Variants in MINK1 observed in about 807,000 individuals in gnomAD.
The protein encoded by MINK1 is misshapen like kinase 1.
A neutral mutation model predicts 178.4 loss-of-function variants in MINK1; 46 were observed. The observed-to-expected ratio is 0.26, with a 90% CI of 0.20 to 0.33. MINK1 has a LOEUF of 0.33. Among genes scored for constraint, MINK1 ranks in the 10% least tolerant of loss-of-function variants. The pLI is 1.00. For synonymous variants in MINK1, 797 were observed against 709.7 expected (o/e 1.12, Z -1.96); for missense variants, 1,366 against 1,814.9 (o/e 0.75, Z 4.49).
chr17:4,839,298 T>C (rs182615104), intron 1 of MINK1, among the ~76,000 whole-genome samples: 18 of 152,282 alleles, frequency 1.2e-4, no homozygotes. Flanking sequence ...ACCTTCAAGG[T>C]TGGGACATTT....
chr17:4,872,207 G>A (rs1304862916), intron 1 of MINK1, among the ~76,000 whole-genome samples: 2 of 151,988 alleles, frequency 1.3e-5, no homozygotes, highest in East Asian at 1.9e-4. Flanking sequence ...GCAGGCAGCT[G>A]TAATCCCAGC....
rs1381393201 is a variant in MINK1, at chr17:4,833,678, TC to T, written c.57+42del. The T allele has an allele frequency of 1.4e-6, 2 of 1,456,128 alleles. No homozygotes were observed. Among genetic ancestry groups the T allele is most frequent in the Admixed American group, 2.4e-5 (1 of 42,400 alleles). 90.2% of individuals were successfully genotyped at this position (1,456,128 alleles called of 1,614,324 possible). On this transcript the variant is annotated intron_variant, in intron 1 of 31. Coordinates refer to ENST00000355280, the MANE Select transcript of MINK1 (RefSeq NM_153827.5). This position sits in a 1 kb window ranked among gnomAD's most constrained non-coding sequence, Gnocchi z 4.8. ...TCCCCCAGCCTCGCCCTGGTTCCTG[TC>T]CCCGCCGCAGGGGAGGGAGCGGGGT...
intron 16 of MINK1, 76 bp downstream of exon 16, chr17:4,891,792 C>T (rs915541658): frequency 4.0e-6 from 6 of 1,488,514 alleles, no homozygotes; most frequent in South Asian, 2.7e-5. Flanking sequence ...AAGGGGCAGG[C>T]CACATGGAGG....
At chr17:4,858,637 C>T (rs778322313) in intron 1 of MINK1, among the ~76,000 whole-genome samples, 8 of 151,948 alleles carry the variant, frequency 5.3e-5, no homozygotes, top group Non-Finnish European at 1.0e-4. Context: ...CTACCATGCC[C>T]AGCTAATTTT....
chr17:4,845,165 G>A (rs774574089), intron 1 of MINK1, among the ~76,000 whole-genome samples: 1 of 152,102 alleles, frequency 6.6e-6, no homozygotes, highest in Non-Finnish European at 1.5e-5. Flanking sequence ...TGTATCATCA[G>A]CCAACCCAGA....
chr17:4,895,054 A>G lies in MINK1; in HGVS notation c.2918-21A>G. On this transcript the variant is annotated intron_variant, in intron 24 of 31. Coordinates refer to ENST00000355280, the MANE Select transcript of MINK1 (RefSeq NM_153827.5). The surrounding 1 kb of genome is among the most constrained non-coding windows in gnomAD (Gnocchi z 4.3). ...GTGAGAAGCTGCAGCCCCTCCTCCC[A>G]CCTCCTCCTCCTTCTGGCAGCCCTA... 6.2e-7 allele frequency: 1 copy of G among 1,611,222 alleles called. No individual in the cohort carries two copies. Among genetic ancestry groups the G allele is most frequent in the Non-Finnish European group, 8.5e-7 (1 of 1,178,932 alleles).
Position 4,886,225 on chromosome 17 carries a change from G to T in MINK1, c.773+27G>T. On this transcript the variant is annotated intron_variant, in intron 9 of 31. Coordinates refer to ENST00000355280, the MANE Select transcript of MINK1 (RefSeq NM_153827.5). This position sits in a 1 kb window ranked among gnomAD's most constrained non-coding sequence, Gnocchi z 6.1. ...TAGGTCTCTGAGAGTGTGGGCTCTG[G>T]GAAGGAAGGTCCCTGGACAAGGCCA... is the stretch of plus-strand genomic sequence containing the variant. 1 of 1,610,008 alleles carries T rather than the reference G, an allele frequency of 6.2e-7. No homozygotes were observed. The highest frequency in any genetic ancestry group is 8.5e-7 in the Non-Finnish European group (1 of 1,176,246).
intron 1 of MINK1, chr17:4,875,481 A>G (rs1057114433): frequency 7.7e-5 from 35 of 453,844 alleles, no homozygotes; most frequent in South Asian, 5.3e-4. Context: ...CTCTAAAAAA[A>G]CAAAAATGAG....
intron 12 of MINK1, 32 bp from the exon 13 acceptor site, chr17:4,889,615 T>A: frequency 6.5e-7 from 1 of 1,540,590 alleles, no homozygotes; most frequent in Non-Finnish European, 8.8e-7. Context: ...ATGTCCGGTA[T>A]GGTTCTTAAG....
At chr17:4,845,566 A>G (rs1267605920) in intron 1 of MINK1, among the ~76,000 whole-genome samples, 16 of 152,082 alleles carry the variant, frequency 1.1e-4, no homozygotes, top group Non-Finnish European at 8.8e-5. Flanking sequence ...GTTGAGAGCC[A>G]GGTCAGGCTC....
chr17:4,877,960 G>A (rs923148924), intron 1 of MINK1, among the ~76,000 whole-genome samples: 1 of 151,844 alleles, frequency 6.6e-6, no homozygotes, highest in African/African-American at 2.4e-5. Flanking sequence ...ACAGGCGCCC[G>A]CAACCACGCC....
intron 1 of MINK1, among the ~76,000 whole-genome samples, chr17:4,843,781 G>C (rs1414078141): frequency 6.6e-6 from 1 of 152,158 alleles, no homozygotes; most frequent in Non-Finnish European, 1.5e-5. Context: ...TAACTTGGAA[G>C]TTAAGTAACT....
Position 4,833,660 on chromosome 17 carries a change from G to T in MINK1, c.57+20G>T. 1 of 1,485,406 alleles carries T rather than the reference G, an allele frequency of 6.7e-7. No individual in the cohort carries two copies. Among genetic ancestry groups the T allele is most frequent in the Non-Finnish European group, 8.9e-7 (1 of 1,123,256 alleles). 92.0% of individuals were successfully genotyped at this position (1,485,406 alleles called of 1,614,324 possible). ...CTGCGGGTGAGCGCGCCGTCCCCCA[G>T]CCTCGCCCTGGTTCCTGTCCCCGCC... On this transcript the variant is annotated intron_variant, in intron 1 of 31. Coordinates refer to ENST00000355280, the MANE Select transcript of MINK1 (RefSeq NM_153827.5). This position sits in a 1 kb window ranked among gnomAD's most constrained non-coding sequence, Gnocchi z 4.8.
chr17:4,861,273 G>A (rs984959583), intron 1 of MINK1, among the ~76,000 whole-genome samples: 1 of 152,126 alleles, frequency 6.6e-6, no homozygotes, highest in Non-Finnish European at 1.5e-5. Context: ...TGCGAGAGAC[G>A]AGACATCTAC....
rs370689862 is a variant in MINK1, at chr17:4,896,624, G to A, written c.3775+36G>A. The stretch of plus-strand genomic sequence containing the variant: ...TGCCGCCCTCCCAGCCACATGCCCC[G>A]AGGTGGCCCCGGGGTGCAGCCTGCT... On this transcript the variant is annotated intron_variant, in intron 30 of 31. Transcript: ENST00000355280. The surrounding 1 kb of genome is among the most constrained non-coding windows in gnomAD (Gnocchi z 4.6). The A allele has an allele frequency of 3.8e-5, 62 of 1,612,132 alleles. 1 individual carries two copies. Among genetic ancestry groups the A allele is most frequent in the South Asian group, 3.1e-4 (28 of 90,962 alleles).
intron 1 of MINK1, among the ~76,000 whole-genome samples, chr17:4,855,776 A>G (rs1043097682): frequency 1.3e-5 from 2 of 150,624 alleles, no homozygotes; most frequent in African/African-American, 4.9e-5. Context: ...TCTCAAAAAA[A>G]AAAAAAAAAA....
In MINK1 at chr17:4,836,401, A is replaced by G. The variant is rs144616002; in HGVS notation, c.57+2761A>G. On this transcript the variant is annotated intron_variant, in intron 1 of 31. Transcript: ENST00000355280. This position sits in a 1 kb window ranked among gnomAD's most constrained non-coding sequence, Gnocchi z 4.3. ...CCTGCTACTTTGTAGCCACAGCCACACTTGACCTCTTTGAGGTTCCTTTTC... is the reference window on the plus strand; with the variant it reads ...CCTGCTACTTTGTAGCCACAGCCACGCTTGACCTCTTTGAGGTTCCTTTTC... Among the ~76,000 whole-genome samples, 12 of 152,266 alleles carry G rather than the reference A, an allele frequency of 7.9e-5. 1 individual carries two copies. In the East Asian group the frequency reaches 2.3e-3, roughly 29 times the overall value.
Position 4,892,526 on chromosome 17 carries a change from C to G in MINK1, c.2198+14C>G. 1 of 1,534,926 alleles carries G rather than the reference C, an allele frequency of 6.5e-7. No homozygotes were observed. The highest frequency in any genetic ancestry group is 8.9e-7 in the Non-Finnish European group (1 of 1,128,936). On this transcript the variant is annotated intron_variant, in intron 18 of 31. Coordinates refer to ENST00000355280, the MANE Select transcript of MINK1 (RefSeq NM_153827.5). ...CAACGCCTCTAGGTAATAGAGTTGT[C>G]CCCCAACTCACTCTCACCTCTCACT...
rs760357543 is a variant in MINK1 at position 4,896,855 on chromosome 17, G to C, written c.3915+42G>C. Reference sequence around the variant, plus strand: ...CTCTGAAAGCCCTGCTGTCCCGGCTGCCATGACCCTAGGCCCCTGGGCAGA... The same window carrying C: ...CTCTGAAAGCCCTGCTGTCCCGGCTCCCATGACCCTAGGCCCCTGGGCAGA... On this transcript the variant is annotated intron_variant, in intron 31 of 31. Coordinates refer to ENST00000355280, the MANE Select transcript of MINK1 (RefSeq NM_153827.5). The surrounding 1 kb of genome is among the most constrained non-coding windows in gnomAD (Gnocchi z 4.6). The C allele has an allele frequency of 3.5e-5, 54 of 1,530,196 alleles. 2 individuals carry two copies. The South Asian group carries it at 6.7e-4, about 19-fold the overall frequency. 94.8% of individuals were successfully genotyped at this position (1,530,196 alleles called of 1,614,324 possible). A position where few individuals can be genotyped will look rare whatever the true frequency, so the allele number is the denominator to read the frequency against.
Sources: gnomAD v4.1 joint callset for allele counts (sites outside exome capture counted in the v4.1 genomes callset) on GRCh38, gnomAD v4.1.1 for gene constraint, Gnocchi (gnomAD v3.1) non-coding constraint, MANE v1.5 for transcripts, NCBI Gene and HGNC (gene_info 2026-07-23, HGNC 2026-07-21) for gene names.